Variants in CACNA2D1 observed in about 807,000 individuals in gnomAD.
The protein encoded by CACNA2D1 is voltage-dependent calcium channel subunit alpha-2/delta-1.
A neutral mutation model predicts 171.5 loss-of-function variants in CACNA2D1; 53 were observed. The observed-to-expected ratio is 0.31, with a 90% CI of 0.25 to 0.39. The LOEUF (loss-of-function observed/expected upper bound fraction) is 0.39, where lower values mean the gene tolerates loss of function less well. Ranked by LOEUF, CACNA2D1 falls within the 10% of genes least tolerant of loss-of-function variation. The probability of loss-of-function intolerance (pLI) is 1.00; values close to 1 mark genes in which losing one functional copy is unlikely to be tolerated. For missense variants in CACNA2D1, 903 were observed against 1,299.8 expected, an observed-to-expected ratio of 0.69 and a Z score of 4.69; for synonymous variants, 442 against 443.1, an observed-to-expected ratio of 1.00 and a Z score of 0.03.
At chr7:82,303,452 TAAA>T (rs573316819) in intron 3 of CACNA2D1, among the ~76,000 whole-genome samples, 2 of 122,372 alleles carry the variant, frequency 1.6e-5, no homozygotes, top group Non-Finnish European at 1.7e-5. Context: ...TGTATGTAAC[TAAA>T]AAAAAAAAAA....
At chr7:82,403,026 T>C (rs1826615590) in intron 1 of CACNA2D1, among the ~76,000 whole-genome samples, 1 of 151,926 alleles carries the variant, frequency 6.6e-6, no homozygotes, top group Non-Finnish European at 1.5e-5. Flanking sequence ...CCAACTAAAT[T>C]TGGGTGGAAG....
chr7:82,211,946 C>T (rs570546772), intron 3 of CACNA2D1, among the ~76,000 whole-genome samples: 25 of 152,028 alleles, frequency 1.6e-4, no homozygotes, highest in African/African-American at 6.0e-4. Context: ...TGAGAGGGTA[C>T]CTCATCGTGG....
intron 1 of CACNA2D1, among the ~76,000 whole-genome samples, chr7:82,424,875 G>A (rs533865039): frequency 9.8e-5 from 15 of 152,316 alleles, no homozygotes; most frequent in Non-Finnish European, 1.6e-4. Flanking sequence ...CTGTGAGCAC[G>A]TAAAGTAGGA....
intron 9 of CACNA2D1, among the ~76,000 whole-genome samples, 198 bp downstream of exon 9, chr7:82,064,106 G>A (rs1331633700): frequency 6.6e-6 from 1 of 151,704 alleles, no homozygotes; most frequent in East Asian, 1.9e-4. Context: ...TATCCATATA[G>A]ATTCTCTTCA....
chr7:82,047,133 A>G (rs868338338), intron 10 of CACNA2D1, among the ~76,000 whole-genome samples: 1 of 152,162 alleles, frequency 6.6e-6, no homozygotes, highest in African/African-American at 2.4e-5. Flanking sequence ...CTGAGTCCAC[A>G]GCACTTTTCC....
intron 6 of CACNA2D1, among the ~76,000 whole-genome samples, chr7:82,112,673 G>T (rs1295676542): frequency 1.3e-5 from 2 of 152,122 alleles, no homozygotes. Flanking sequence ...TACCCACACT[G>T]GTTCTTGGAG....
At chr7:82,164,825 A>ATT (rs200015891) in intron 4 of CACNA2D1, among the ~76,000 whole-genome samples, 42,589 of 150,942 alleles carry the variant, frequency 0.28, 6,053 homozygotes, top group Middle Eastern at 0.37. Context: ...TTTTTTCTTA[A>ATT]TTTTTTTATT....
intron 1 of CACNA2D1, among the ~76,000 whole-genome samples, chr7:82,434,683 C>G (rs1001205204): frequency 1.3e-5 from 2 of 152,118 alleles, no homozygotes; most frequent in Non-Finnish European, 2.9e-5. Flanking sequence ...TGAATTTACT[C>G]TATTATCTCT....
At position 81,949,904 on chromosome 7, in the gene CACNA2D1, CTT is replaced by C. The variant is rs1792334073; in HGVS notation, c.*486_*487del. 1 of 154,584 alleles carries C rather than the reference CTT, an allele frequency of 6.5e-6. No homozygotes were observed. Among genetic ancestry groups the C allele is most frequent in the Admixed American group, 6.4e-5 (1 of 15,684 alleles). The allele number at this position is 154,584 out of a possible 1,614,324, so 9.6% of individuals were successfully genotyped here. On this transcript the variant is annotated 3_prime_UTR_variant, in exon 39 of 39. Coordinates refer to ENST00000356860, the MANE Select transcript of CACNA2D1 (RefSeq NM_000722.4). ...CAATTTAGACCAATGTTAATTCTCTCTTTCTCTATATATTTCAATAATTGCTA... is the reference window on the plus strand; with the variant it reads ...CAATTTAGACCAATGTTAATTCTCTCTCTCTATATATTTCAATAATTGCTA...
chr7:82,065,051 T>C (rs903060210), intron 8 of CACNA2D1, among the ~76,000 whole-genome samples: 3 of 152,158 alleles, frequency 2.0e-5, no homozygotes, highest in Admixed American at 1.3e-4. Flanking sequence ...CTCACTCACG[T>C]TGCCTGGCCA....
At chr7:82,418,673 G>C (rs770224665) in intron 1 of CACNA2D1, among the ~76,000 whole-genome samples, 39 of 152,072 alleles carry the variant, frequency 2.6e-4, no homozygotes, top group Non-Finnish European at 5.3e-4. Flanking sequence ...TGTCATTCTT[G>C]TAAGTGCACT....
intron 1 of CACNA2D1, among the ~76,000 whole-genome samples, chr7:82,357,728 G>GA: frequency 7.0e-6 from 1 of 143,648 alleles, no homozygotes; most frequent in African/African-American, 2.5e-5. Flanking sequence ...GGGGGTGGGG[G>GA]GAGGGATAGC....
At chr7:82,060,148 A>G (rs1806457356) in intron 10 of CACNA2D1, among the ~76,000 whole-genome samples, 1 of 70,202 alleles carries the variant, frequency 1.4e-5, no homozygotes, top group African/African-American at 4.4e-5. Flanking sequence ...AATTATATAT[A>G]TGTATTATAT....
intron 3 of CACNA2D1, among the ~76,000 whole-genome samples, chr7:82,306,260 C>G (rs1484665128): frequency 6.6e-6 from 1 of 152,048 alleles, no homozygotes; most frequent in Non-Finnish European, 1.5e-5. Flanking sequence ...TGTCTGGTAG[C>G]CAGCGTGAAA....
chr7:82,284,447 C>G (rs1203275857), intron 3 of CACNA2D1, among the ~76,000 whole-genome samples: 1 of 152,048 alleles, frequency 6.6e-6, no homozygotes, highest in African/African-American at 2.4e-5. Context: ...TTGTCTTAGT[C>G]CATTCAGGCT....
At chr7:82,184,359 C>T (rs1388536850) in intron 3 of CACNA2D1, among the ~76,000 whole-genome samples, 2 of 151,900 alleles carry the variant, frequency 1.3e-5, no homozygotes, top group Non-Finnish European at 2.9e-5. Context: ...ATGGCAGAAA[C>T]ATCATCCACT....
chr7:82,168,147 G>A (rs1795656075), intron 4 of CACNA2D1, among the ~76,000 whole-genome samples: 1 of 151,676 alleles, frequency 6.6e-6, no homozygotes, highest in African/African-American at 2.4e-5. Context: ...CTTTTTTGGT[G>A]GGGGCTTGGG....
intron 24 of CACNA2D1, 46 bp downstream of exon 24, chr7:81,982,521 G>T: frequency 9.7e-7 from 1 of 1,027,414 alleles, no homozygotes; most frequent in Non-Finnish European, 1.6e-6. Flanking sequence ...ACTGTTGAAG[G>T]CCTAGCTACT....
At chr7:82,221,818 G>A (rs915727183) in intron 3 of CACNA2D1, among the ~76,000 whole-genome samples, 1 of 149,222 alleles carries the variant, frequency 6.7e-6, no homozygotes, top group Non-Finnish European at 1.5e-5. Flanking sequence ...ATATTAAAAT[G>A]ATTTCAAGAT....
Sources: gnomAD v4.1 joint callset for allele counts (sites outside exome capture counted in the v4.1 genomes callset) on GRCh38, gnomAD v4.1.1 for gene constraint, MANE v1.5 for transcripts, NCBI Gene and HGNC (gene_info 2026-07-23, HGNC 2026-07-21) for gene names.